Variants in CFAP47 observed in about 807,000 individuals in gnomAD.
CFAP47 encodes cilia and flagella associated protein 47.
Under a neutral mutation model 148.1 loss-of-function variants are expected in CFAP47, and 29 were observed. That is an observed-to-expected ratio of 0.20 (90% CI 0.15 to 0.27). The LOEUF is 0.27. Ranked by LOEUF, CFAP47 falls within the 10% of genes least tolerant of loss-of-function variation. CFAP47 has a pLI of 1.00. For synonymous variants in CFAP47, 664 were observed against 577.3 expected, an observed-to-expected ratio of 1.15 and a Z score of -2.15; for missense variants, 1,872 against 1,697.5, an observed-to-expected ratio of 1.10 and a Z score of -1.81.
chrX:36,190,229 C>T (rs140453430), intron 42 of CFAP47, 33 bp downstream of exon 42: 8 of 294,327 alleles, frequency 2.7e-5, no homozygotes, highest in South Asian at 2.1e-4. Context: ...TGTGTTTACA[C>T]GAGCTGTCAC....
chrX:36,174,880 A>G (rs1353572087), intron 39 of CFAP47, among the ~76,000 whole-genome samples: 58 of 77,983 alleles, frequency 7.4e-4, no homozygotes, highest in African/African-American at 1.8e-3. Flanking sequence ...CTCCTGGATA[A>G]TATCCTGCAG....
chrX:35,969,910 T>G (rs1936462878), intron 10 of CFAP47, among the ~76,000 whole-genome samples: 2 of 111,710 alleles, frequency 1.8e-5, no homozygotes, highest in African/African-American at 6.5e-5. Flanking sequence ...TACTTATGTT[T>G]TTTTTCTTTT....
chrX:35,943,459 T>C (rs1252386658), intron 3 of CFAP47, among the ~76,000 whole-genome samples: 1 of 111,567 alleles, frequency 9.0e-6, no homozygotes, highest in Admixed American at 9.6e-5. Context: ...AACTCCTTGA[T>C]GATTTATTTT....
At chrX:36,285,390 G>T (rs781825561) in intron 50 of CFAP47, among the ~76,000 whole-genome samples, 1 of 111,585 alleles carries the variant, frequency 9.0e-6, no homozygotes, top group Admixed American at 9.6e-5. Context: ...TGAGTTACTG[G>T]CATAGGTATA....
Position 35,920,021 on chromosome X carries a change from C to A in CFAP47, c.222C>A (p.Ile74=). ...ATATTTGCCGCTGGAACCAGAAAATCCGATTTAAGGAGCCCGTCAAGCCAC... is the reference window on the plus strand; with the variant it reads ...ATATTTGCCGCTGGAACCAGAAAATACGATTTAAGGAGCCCGTCAAGCCAC... ...VHNICRWNQK[I]RFKEPVKPQF... is the part of the protein sequence containing the mutation. The change falls in exon 1 of 64, where the codon ATC becomes ATA. Residue 74 remains isoleucine, a synonymous_variant. Transcript: ENST00000378653. 8.3e-7 allele frequency: 1 copy of A among 1,198,200 alleles called. No individual in the cohort carries two copies. Among genetic ancestry groups the A allele is most frequent in the South Asian group, 1.8e-5 (1 of 54,803 alleles).
chrX:35,983,480 A>C (rs773037711), intron 15 of CFAP47, among the ~76,000 whole-genome samples: 26 of 111,981 alleles, frequency 2.3e-4, no homozygotes, highest in African/African-American at 8.4e-4. Context: ...GACTTCTAGC[A>C]CTACACTGAA....
chrX:36,361,447 C>A lies in CFAP47; in HGVS notation c.8969C>A (p.Ala2990Asp). The change falls in exon 61 of 64, where the codon GCT becomes GAT. Residue 2990 changes from alanine (A) to aspartate (D), a missense_variant. Transcript: ENST00000378653. ...ATTGAAAAATCTTATGATATTATGG[C>A]TAAAAGGATAACATTTATCTTCAAT... ...YMIEKSYDIM[A>D]KRITFIFNLV... The A allele has an allele frequency of 9.2e-7, 1 of 1,089,022 alleles. No individual in the cohort carries two copies. 89.7% of individuals were successfully genotyped at this position (1,089,022 alleles called of 1,213,427 possible). A position where few individuals can be genotyped will look rare whatever the true frequency, so the allele number is the denominator to read the frequency against.
intron 21 of CFAP47, among the ~76,000 whole-genome samples, chrX:36,013,679 T>C (rs1318166976): frequency 2.7e-5 from 3 of 111,494 alleles, no homozygotes; most frequent in African/African-American, 9.8e-5. Context: ...CAAACACTAA[T>C]CTGAATTTGA....
intron 1 of CFAP47, among the ~76,000 whole-genome samples, chrX:35,923,992 T>C (rs1336720631): frequency 9.8e-6 from 1 of 102,123 alleles, no homozygotes; most frequent in Non-Finnish European, 2.0e-5. Context: ...TATATGTACA[T>C]ATATGTGTAT....
chrX:36,237,398 C>T (rs782129018), intron 48 of CFAP47, among the ~76,000 whole-genome samples: 14 of 110,792 alleles, frequency 1.3e-4, no homozygotes, highest in Admixed American at 3.8e-4. Flanking sequence ...GGTATGATCT[C>T]GGCTCACTGC....
At chrX:36,276,194 G>A (rs915606109) in intron 49 of CFAP47, among the ~76,000 whole-genome samples, 1 of 110,454 alleles carries the variant, frequency 9.1e-6, no homozygotes, top group Non-Finnish European at 1.9e-5. Flanking sequence ...TTTACCTGTA[G>A]GGATAACATT....
chrX:36,319,895 G>T (rs782410027), intron 57 of CFAP47, among the ~76,000 whole-genome samples: 123 of 111,001 alleles, frequency 1.1e-3, no homozygotes, highest in Non-Finnish European at 2.1e-3. Flanking sequence ...GCACAATCTC[G>T]GCTCACTGCA....
At chrX:35,938,750 A>G (rs751663675) in intron 2 of CFAP47, among the ~76,000 whole-genome samples, 1 of 111,842 alleles carries the variant, frequency 8.9e-6, no homozygotes, top group Non-Finnish European at 1.9e-5. Context: ...AACTCCGTAA[A>G]GTTATAGGGT....
chrX:35,931,981 C>T (rs1935832938), intron 2 of CFAP47, among the ~76,000 whole-genome samples: 1 of 105,526 alleles, frequency 9.5e-6, no homozygotes, highest in Non-Finnish European at 1.9e-5. Context: ...TCCCTCCCTC[C>T]CTCCTTTCCT....
intron 21 of CFAP47, among the ~76,000 whole-genome samples, chrX:36,012,181 G>A (rs1937046358): frequency 9.0e-6 from 1 of 111,394 alleles, no homozygotes; most frequent in Non-Finnish European, 1.9e-5. Flanking sequence ...TGCCGGTGAG[G>A]CTGTGGAGAA....
At position 36,375,392 on chromosome X, in the gene CFAP47, C is replaced by T. The variant is rs781949331; in HGVS notation, c.9186-3958C>T. Among the ~76,000 whole-genome samples, 19 of 112,119 alleles carry T rather than the reference C, an allele frequency of 1.7e-4. No homozygotes were observed. In the South Asian group the frequency reaches 7.0e-3, roughly 41 times the overall value. On this transcript the variant is annotated intron_variant, in intron 62 of 63. Coordinates refer to ENST00000378653, the MANE Select transcript of CFAP47 (RefSeq NM_001304548.2). ...CATACCGCTGTGGTCAGTAAGAATACTTGATATAATTTCAATGTTCTAAAA... is the reference window on the plus strand; with the variant it reads ...CATACCGCTGTGGTCAGTAAGAATATTTGATATAATTTCAATGTTCTAAAA...
chrX:36,336,252 C>CACAG (rs1269426545), intron 57 of CFAP47, among the ~76,000 whole-genome samples: 2 of 69,635 alleles, frequency 2.9e-5, no homozygotes. Flanking sequence ...CAGACACACA[C>CACAG]ACACACACAC....
chrX:35,938,937 A>G lies in CFAP47; in HGVS notation c.402-2346A>G, dbSNP rs189423564. ...ATCAATATCAACACCAATATTTTCA[A>G]TTGTCCCTTAGTTTGGTGTCCCAGA... On this transcript the variant is annotated intron_variant, in intron 2 of 63. Coordinates refer to ENST00000378653, the MANE Select transcript of CFAP47 (RefSeq NM_001304548.2). Among the ~76,000 whole-genome samples, 9 of 111,764 alleles carry G rather than the reference A, an allele frequency of 8.1e-5. No individual in the cohort carries two copies. In the East Asian group the frequency reaches 2.2e-3, roughly 28 times the overall value.
chrX:36,210,320 C>T (rs1940085554), intron 45 of CFAP47, among the ~76,000 whole-genome samples: 1 of 111,761 alleles, frequency 8.9e-6, no homozygotes, highest in Admixed American at 9.5e-5. Flanking sequence ...ACATTCCCAC[C>T]AACAGTGTAT....
Sources: allele counts gnomAD v4.1 joint callset (sites outside exome capture counted in the v4.1 genomes callset), GRCh38; gene constraint gnomAD v4.1.1; transcripts MANE v1.5; gene names NCBI Gene and HGNC (gene_info 2026-07-23, HGNC 2026-07-21).